The following FRA10AC1 variants were observed in gnomAD, a reference collection of about 807,000 sequenced individuals.
The protein encoded by FRA10AC1 is FRA10A associated CGG repeat 1, also known as protein FRA10AC1.
A neutral mutation model predicts 56.5 loss-of-function variants in FRA10AC1; 43 were observed. That is an observed-to-expected ratio of 0.76 (90% CI 0.60 to 0.98). The LOEUF is 0.98. Among genes scored for constraint, FRA10AC1 ranks in the 50% least tolerant of loss-of-function variants. FRA10AC1 has a pLI of 0.00. For missense variants in FRA10AC1, 346 were observed against 351.8 expected, an observed-to-expected ratio of 0.98 and a Z score of 0.13; for synonymous variants, 112 against 110.5, an observed-to-expected ratio of 1.01 and a Z score of -0.09.
At chr10:93,672,416 G>A (rs1316616223) in intron 12 of FRA10AC1, 2 of 153,272 alleles carry the variant, frequency 1.3e-5, no homozygotes, top group African/African-American at 4.8e-5. Flanking sequence ...AATTGATAAT[G>A]TGAGGGAAAA....
At chr10:93,687,189 A>C (rs1265371206) in intron 8 of FRA10AC1, among the ~76,000 whole-genome samples, 29 of 151,844 alleles carry the variant, frequency 1.9e-4, no homozygotes, top group African/African-American at 7.0e-4. Flanking sequence ...AGAACATTCA[A>C]CTGAATGTTC....
intron 12 of FRA10AC1, chr10:93,675,646 A>G (rs1409708918): frequency 5.4e-6 from 2 of 373,318 alleles, no homozygotes; most frequent in Admixed American, 5.3e-5. Flanking sequence ...CAGGGGCTGC[A>G]GTCAGCTGAG....
chr10:93,676,639 C>T lies in FRA10AC1; in HGVS notation c.826+14G>A. On this transcript the variant is annotated intron_variant, in intron 12 of 13. Transcript: ENST00000359204. ...CAAATGCATATTTTTATTAAATAAA[C>T]ACTTGTTACTTACTAAGTAGAGAAT... is the stretch of plus-strand genomic sequence containing the variant. The T allele has an allele frequency of 1.9e-6, 3 of 1,553,556 alleles. No individual in the cohort carries two copies. The highest frequency in any genetic ancestry group is 1.2e-5 in the South Asian group (1 of 81,198).
chr10:93,685,068 G>A (rs142303913), intron 9 of FRA10AC1, among the ~76,000 whole-genome samples, 178 bp downstream of exon 9: 2,096 of 152,172 alleles, frequency 0.014, 23 homozygotes, highest in Middle Eastern at 0.02. Flanking sequence ...CCACTGTAAT[G>A]CTAAAAATGT....
intron 4 of FRA10AC1, among the ~76,000 whole-genome samples, chr10:93,696,573 A>G (rs1209708532): frequency 6.6e-6 from 1 of 152,244 alleles, no homozygotes. Context: ...AGAACCAGAA[A>G]TAACATCTGA....
chr10:93,697,870 G>T (rs1166058994), intron 4 of FRA10AC1, among the ~76,000 whole-genome samples: 1 of 152,006 alleles, frequency 6.6e-6, no homozygotes, highest in East Asian at 1.9e-4. Flanking sequence ...AAACAATTTG[G>T]AAAATATATT....
chr10:93,684,438 G>A (rs145541730), intron 9 of FRA10AC1, among the ~76,000 whole-genome samples: 1 of 151,480 alleles, frequency 6.6e-6, no homozygotes, highest in African/African-American at 2.4e-5. Context: ...TTCCTCTGAA[G>A]TGCTCTAAGA....
chr10:93,691,912 G>A, intron 7 of FRA10AC1, 97 bp downstream of exon 7: 9 of 1,278,546 alleles, frequency 7.0e-6, no homozygotes, highest in Non-Finnish European at 9.5e-6. Flanking sequence ...TCTAGAATTA[G>A]CATCTTTAAA....
intron 1 of FRA10AC1, among the ~76,000 whole-genome samples, chr10:93,701,031 T>A (rs1281650957): frequency 6.6e-6 from 1 of 152,134 alleles, no homozygotes; most frequent in Non-Finnish European, 1.5e-5. Flanking sequence ...ATAAGGGGTT[T>A]CGCCATGTTG....
At chr10:93,696,238 G>A (rs1405827382) in intron 4 of FRA10AC1, among the ~76,000 whole-genome samples, 2 of 152,166 alleles carry the variant, frequency 1.3e-5, no homozygotes, top group Non-Finnish European at 2.9e-5. Flanking sequence ...TTTGTCTCAT[G>A]TATCCTAGAA....
At chr10:93,689,851 G>A (rs1190000352) in intron 7 of FRA10AC1, among the ~76,000 whole-genome samples, 1 of 152,102 alleles carries the variant, frequency 6.6e-6, no homozygotes, top group African/African-American at 2.4e-5. Flanking sequence ...CAGTAAACAA[G>A]AAGGATTCTG....
At chr10:93,683,939 A>C in intron 10 of FRA10AC1, 117 bp downstream of exon 10, 2 of 704,968 alleles carry the variant, frequency 2.8e-6, no homozygotes, top group Non-Finnish European at 2.5e-6. Flanking sequence ...CACATTTTCT[A>C]CATGATCAAC....
In FRA10AC1 at chr10:93,681,969, G is replaced by C. The variant is rs182092490; in HGVS notation, c.669-371C>G. Among the ~76,000 whole-genome samples the C allele has an allele frequency of 5.9e-5, 9 of 151,792 alleles. No homozygotes were observed. The East Asian group carries it at 1.7e-3, about 29-fold the overall frequency. ...TCACATAATCCATATCCACCTACAT[G>C]TTAAAAAAACACAAAGAAGAAGAAA... On this transcript the variant is annotated intron_variant, in intron 10 of 13. Coordinates refer to ENST00000359204, the MANE Select transcript of FRA10AC1 (RefSeq NM_145246.5).
rs1204564498 is a variant in FRA10AC1, at chr10:93,700,070, C to A, written c.37G>T (p.Asp13Tyr). The A allele has an allele frequency of 3.1e-6, 5 of 1,604,108 alleles. No individual in the cohort carries two copies. The highest frequency in any genetic ancestry group is 4.3e-6 in the Non-Finnish European group (5 of 1,172,840). Residue 13 changes from aspartate to tyrosine, a missense_variant, in exon 2 of 14, where the codon GAT (aspartate) becomes TAT (tyrosine). Asp to Tyr is a radical substitution (Grantham distance 160). Coordinates refer to ENST00000359204, the MANE Select transcript of FRA10AC1 (RefSeq NM_145246.5). ...GHGGYDSDFSDDERCGESSKR... is the reference protein window; with the variant it reads ...GHGGYDSDFSYDERCGESSKR... ...CTGGATTCTCCACAGCGTTCATCAT[C>A]ACTAAAATCAGAATCATAGCCTCCA...
intron 5 of FRA10AC1, among the ~76,000 whole-genome samples, chr10:93,693,658 CATATATATATACACCAT>C (rs1431903356): frequency 8.8e-6 from 1 of 114,076 alleles, no homozygotes; most frequent in Non-Finnish European, 1.9e-5. Context: ...ATATATATAC[CATATATATATACACCAT>C]ATATATATAT....
intron 12 of FRA10AC1, chr10:93,673,066 T>C (rs1300301062): frequency 1.3e-5 from 3 of 226,914 alleles, no homozygotes; most frequent in Admixed American, 5.6e-5. Context: ...ATCCAATGAA[T>C]GAACTTTCAC....
chr10:93,700,892 C>T (rs1252394702), intron 1 of FRA10AC1, among the ~76,000 whole-genome samples: 4 of 152,066 alleles, frequency 2.6e-5, no homozygotes, highest in Admixed American at 2.6e-4. Flanking sequence ...AGTGCTGTGG[C>T]GCCTTGATGG....
intron 1 of FRA10AC1, among the ~76,000 whole-genome samples, chr10:93,700,929 A>T (rs1352750190): frequency 6.6e-6 from 1 of 152,096 alleles, no homozygotes; most frequent in Non-Finnish European, 1.5e-5. Context: ...CCTGGGCTCA[A>T]TCAATCCTCC....
chr10:93,688,285 T>TA (rs949579044), intron 7 of FRA10AC1, among the ~76,000 whole-genome samples: 5 of 152,098 alleles, frequency 3.3e-5, no homozygotes, highest in African/African-American at 1.2e-4. Flanking sequence ...ATTTCAACTG[T>TA]ATGATATTCC....
Sources: gnomAD v4.1 joint callset for allele counts (sites outside exome capture counted in the v4.1 genomes callset) on GRCh38, gnomAD v4.1.1 for gene constraint, MANE v1.5 for transcripts, NCBI Gene and HGNC (gene_info 2026-07-23, HGNC 2026-07-21) for gene names.